Variants in AK3 observed in about 807,000 individuals in gnomAD.
AK3 encodes adenylate kinase 3.
A neutral mutation model predicts 23.7 loss-of-function variants in AK3; 27 were observed. The ratio of observed to expected loss-of-function variants is 1.14; its 90% CI spans 0.84 to 1.57. The LOEUF (loss-of-function observed/expected upper bound fraction) is 1.57. Ranked by LOEUF, AK3 falls within the 40% of genes most tolerant of loss-of-function variation. The pLI, the probability that AK3 is intolerant of heterozygous loss-of-function variation, is 0.00. For missense variants in AK3, 406 were observed against 285.6 expected (o/e 1.42, Z -3.04); for synonymous variants, 159 against 116.0 (o/e 1.37, Z -2.38).
rs1563785792 is a variant in AK3 at position 4,719,282 on chromosome 9, T to TGAA, written c.296_297insTTC (p.Ala99_Glu100insSer). 1.2e-6 allele frequency: 2 copies of TGAA among 1,606,098 alleles called. No homozygotes were observed. On this transcript the variant is annotated inframe_insertion, in exon 3 of 5. Coordinates refer to ENST00000381809, the MANE Select transcript of AK3 (RefSeq NM_016282.4). ...TCTGATAAGCTCTATCTAGGGCTTC[T>TGAA]GCCTGTGGAAGTGTCCTTGGAAAAC...
intron 1 of AK3, among the ~76,000 whole-genome samples, chr9:4,731,857 C>A (rs970886497): frequency 3.9e-5 from 6 of 152,206 alleles, no homozygotes; most frequent in Admixed American, 3.9e-4. Flanking sequence ...GACCCCTCCT[C>A]CTCCTCAGTC....
intron 2 of AK3, among the ~76,000 whole-genome samples, chr9:4,721,108 A>T (rs973338665): frequency 6.6e-6 from 1 of 152,226 alleles, no homozygotes; most frequent in Non-Finnish European, 1.5e-5. Context: ...ATTTTGTTTT[A>T]AAAAGGAGAA....
chr9:4,713,553 T>A (rs1325621875), intron 4 of AK3, among the ~76,000 whole-genome samples: 2 of 152,186 alleles, frequency 1.3e-5, no homozygotes, highest in African/African-American at 4.8e-5. Context: ...TTCTACTTAC[T>A]CTTTTGCAAA....
intron 2 of AK3, among the ~76,000 whole-genome samples, chr9:4,721,670 G>T (rs1272154009): frequency 6.6e-6 from 1 of 152,094 alleles, no homozygotes; most frequent in African/African-American, 2.4e-5. Context: ...TGTTGGCCAG[G>T]CTGGTCTTGA....
chr9:4,736,206 T>C (rs575118741), intron 1 of AK3, among the ~76,000 whole-genome samples: 19 of 152,008 alleles, frequency 1.2e-4, no homozygotes, highest in Middle Eastern at 3.4e-3. Flanking sequence ...TTTAAATGGA[T>C]ACATTATATG....
At chr9:4,730,188 G>C (rs1342359804) in intron 1 of AK3, among the ~76,000 whole-genome samples, 2 of 152,094 alleles carry the variant, frequency 1.3e-5, no homozygotes, top group Non-Finnish European at 2.9e-5. Flanking sequence ...GGGGAGAAAT[G>C]GGTAATGACT....
intron 1 of AK3, among the ~76,000 whole-genome samples, chr9:4,735,084 T>A (rs1238612743): frequency 6.6e-6 from 1 of 151,216 alleles, no homozygotes; most frequent in Admixed American, 6.6e-5. Context: ...AAATTGATTA[T>A]TAAAGAAAAA....
chr9:4,720,649 C>A (rs1841871228), intron 2 of AK3, among the ~76,000 whole-genome samples: 1 of 149,258 alleles, frequency 6.7e-6, no homozygotes, highest in Non-Finnish European at 1.5e-5. Flanking sequence ...ATGATGACTC[C>A]ATTGCACTGC....
At chr9:4,729,426 C>T (rs558442037) in intron 1 of AK3, among the ~76,000 whole-genome samples, 33 of 152,070 alleles carry the variant, frequency 2.2e-4, no homozygotes, top group Admixed American at 1.8e-3. Context: ...GAGCCATGAT[C>T]GCGCCACTGT....
At chr9:4,724,676 G>C (rs764089343) in intron 1 of AK3, among the ~76,000 whole-genome samples, 1 of 152,054 alleles carries the variant, frequency 6.6e-6, no homozygotes, top group African/African-American at 2.4e-5. Context: ...CTACTCAGGA[G>C]ACTGAGGTGG....
intron 1 of AK3, among the ~76,000 whole-genome samples, chr9:4,739,767 T>C (rs747817308): frequency 1.5e-4 from 23 of 151,818 alleles, no homozygotes; most frequent in South Asian, 4.2e-4. Flanking sequence ...CCATCGCTAC[T>C]AAAAATACAA....
chr9:4,729,015 A>ATATTTTTT (rs71326127), intron 1 of AK3, among the ~76,000 whole-genome samples: 52 of 129,436 alleles, frequency 4.0e-4, no homozygotes, highest in African/African-American at 1.4e-3. Context: ...ATATATATAT[A>ATATTTTTT]TTTTTTTTTT....
At chr9:4,718,781 CTAAG>C (rs1841807314) in intron 3 of AK3, among the ~76,000 whole-genome samples, 1 of 152,304 alleles carries the variant, frequency 6.6e-6, no homozygotes, top group Admixed American at 6.5e-5. Flanking sequence ...TAAGCAGCCT[CTAAG>C]TAAGTTCATA....
chr9:4,729,015 A>ATATATATATATATATATATT (rs71326127), intron 1 of AK3, among the ~76,000 whole-genome samples: 1 of 129,450 alleles, frequency 7.7e-6, no homozygotes, highest in Non-Finnish European at 1.6e-5. Context: ...ATATATATAT[A>ATATATATATATATATATATT]TTTTTTTTTT....
intron 1 of AK3, among the ~76,000 whole-genome samples, chr9:4,728,319 C>CCT (rs1349867305): frequency 6.6e-6 from 1 of 152,132 alleles, no homozygotes; most frequent in Non-Finnish European, 1.5e-5. Flanking sequence ...GCCTGTAATC[C>CCT]CGGCACTTTG....
At position 4,713,102 on chromosome 9, in the gene AK3, G is replaced by A. The variant is rs764426366; in HGVS notation, c.564-6C>T. 6 of 1,612,648 alleles carry A rather than the reference G, an allele frequency of 3.7e-6. No individual in the cohort carries two copies. In the African/African-American group the frequency reaches 6.7e-5, roughly 18 times the overall value. ...TTTCCAGCACCCCTTTTTTCCTAAAGATGAAACAAAAACAAAACAAACACA... is the reference window on the plus strand; with the variant it reads ...TTTCCAGCACCCCTTTTTTCCTAAAAATGAAACAAAAACAAAACAAACACA... On this transcript the variant is annotated splice_polypyrimidine_tract_variant and splice_region_variant and intron_variant, in intron 4 of 4. Coordinates refer to ENST00000381809, the MANE Select transcript of AK3 (RefSeq NM_016282.4).
At chr9:4,728,858 T>TACACACACAC (rs1210103111) in intron 1 of AK3, among the ~76,000 whole-genome samples, 4,163 of 70,870 alleles carry the variant, frequency 0.059, 90 homozygotes, top group Non-Finnish European at 0.091. Context: ...TATATATATA[T>TACACACACAC]ATATATATAC....
rs1397076179 is a variant in AK3 at position 4,714,069 on chromosome 9, C to CATATACAT, written c.564-974_564-973insATGTATAT. Among the ~76,000 whole-genome samples, 719 of 134,214 alleles carry CATATACAT rather than the reference C, an allele frequency of 5.4e-3. 85 individuals are homozygous for CATATACAT. The highest frequency in any genetic ancestry group is 6.5e-3 in the Non-Finnish European group (402 of 62,130). The allele number at this position is 134,214 out of a possible 152,430, so 88.0% of individuals were successfully genotyped here. On this transcript the variant is annotated intron_variant, in intron 4 of 4. Coordinates refer to ENST00000381809, the MANE Select transcript of AK3 (RefSeq NM_016282.4). ...ACATATACACCTACACATATACACA[C>CATATACAT]CTACACATATACACACCTACACATA...
intron 1 of AK3, among the ~76,000 whole-genome samples, chr9:4,737,186 TA>T (rs1842315996): frequency 6.6e-6 from 1 of 152,178 alleles, no homozygotes; most frequent in African/African-American, 2.4e-5. Context: ...TAAAAATTAA[TA>T]GCTATAATTT....
Sources: gnomAD v4.1 joint callset for allele counts (sites outside exome capture counted in the v4.1 genomes callset) on GRCh38, gnomAD v4.1.1 for gene constraint, MANE v1.5 for transcripts, NCBI Gene and HGNC (gene_info 2026-07-23, HGNC 2026-07-21) for gene names.